The following PPP1R21 variants were observed in gnomAD, a reference collection of about 807,000 sequenced individuals.
PPP1R21 encodes the protein protein phosphatase 1 regulatory subunit 21.
In PPP1R21, 85 loss-of-function variants were observed where a neutral mutation model predicts 112.8. That is an observed-to-expected ratio of 0.75 (90% CI 0.63 to 0.90). The LOEUF (loss-of-function observed/expected upper bound fraction) is 0.90. Among genes scored for constraint, PPP1R21 ranks in the 40% least tolerant of loss-of-function variants. The pLI is 0.00. For synonymous variants in PPP1R21, 381 were observed against 322.3 expected, an observed-to-expected ratio of 1.18 and a Z score of -1.95; for missense variants, 1,199 against 901.5, an observed-to-expected ratio of 1.33 and a Z score of -4.23.
chr2:48,456,679 A>G (rs1253811636), intron 3 of PPP1R21, among the ~76,000 whole-genome samples: 2 of 152,140 alleles, frequency 1.3e-5, no homozygotes, highest in South Asian at 2.1e-4. Context: ...CATTCCCGAG[A>G]GTGTTAGTGT....
At chr2:48,487,157 C>G (rs1022942137) in intron 14 of PPP1R21, among the ~76,000 whole-genome samples, 63 of 152,072 alleles carry the variant, frequency 4.1e-4, no homozygotes, top group Non-Finnish European at 7.6e-4. Context: ...TCTAGGTAGT[C>G]TCAATATAGA....
chr2:48,505,578 C>A lies in PPP1R21; in HGVS notation c.1950C>A (p.Thr650=). 1 of 1,550,374 alleles carries A rather than the reference C, an allele frequency of 6.5e-7. No homozygotes were observed. Among genetic ancestry groups the A allele is most frequent in the Non-Finnish European group, 8.7e-7 (1 of 1,145,334 alleles). ...IQSTSLIGTL[T]RTSDSEVPDV... ...TTATGTTCTAGATTGGGACTTTAAC[C>A]AGGACATCTGACAGTGAGGTAACAT... Residue 650 remains threonine (T), a synonymous_variant, in exon 18 of 22, where the codon ACC becomes ACA. Coordinates refer to ENST00000294952, the MANE Select transcript of PPP1R21 (RefSeq NM_001135629.3).
chr2:48,464,486 G>C (rs950445665), intron 7 of PPP1R21, among the ~76,000 whole-genome samples: 18 of 152,180 alleles, frequency 1.2e-4, no homozygotes, highest in African/African-American at 4.1e-4. Flanking sequence ...GGAAAGTTAG[G>C]ATTGAGTCAT....
At position 48,459,772 on chromosome 2, in the gene PPP1R21, C is replaced by T. The variant is rs1361976525; in HGVS notation, c.394C>T (p.Gln132Ter). Reference protein sequence around the residue: ...LHIQFFEADEQHKHVEAELRS... With the variant: ...LHIQFFEADE Reference sequence around the variant, plus strand: ...TTTTTAGTTTTTTGAAGCTGATGAGCAGCACAAGCATGTGGAAGCAGAGCT... The same window carrying T: ...TTTTTAGTTTTTTGAAGCTGATGAGTAGCACAAGCATGTGGAAGCAGAGCT... Residue 132 changes from glutamine to a stop codon, truncating the protein, a stop_gained, in exon 5 of 22, where the codon CAG (glutamine) becomes TAG (stop). Transcript: ENST00000294952. LOFTEE classifies it high-confidence loss of function. 1 of 1,612,762 alleles carries T rather than the reference C, an allele frequency of 6.2e-7. No homozygotes were observed. Among genetic ancestry groups the T allele is most frequent in the Non-Finnish European group, 8.5e-7 (1 of 1,179,608 alleles).
At chr2:48,514,073 C>CTTTTTTTTTTTTTT (rs1225415838) in intron 21 of PPP1R21, among the ~76,000 whole-genome samples, 1 of 89,902 alleles carries the variant, frequency 1.1e-5, no homozygotes, top group Non-Finnish European at 2.2e-5. Flanking sequence ...GAGACATGTT[C>CTTTTTTTTTTTTTT]TTTTTTTTTT....
At chr2:48,472,715 G>A (rs902764380) in intron 11 of PPP1R21, among the ~76,000 whole-genome samples, 8 of 152,008 alleles carry the variant, frequency 5.3e-5, no homozygotes, top group Non-Finnish European at 1.2e-4. Context: ...TTGTGAGGTC[G>A]AGGCGGGAAG....
intron 14 of PPP1R21, among the ~76,000 whole-genome samples, chr2:48,488,041 A>G (rs1669389771): frequency 6.6e-6 from 1 of 152,198 alleles, no homozygotes; most frequent in Non-Finnish European, 1.5e-5. Flanking sequence ...ATAGGAACAA[A>G]TATTCTTCAA....
chr2:48,485,933 GTATATA>G, intron 13 of PPP1R21, among the ~76,000 whole-genome samples: 1 of 53,188 alleles, frequency 1.9e-5, no homozygotes, highest in South Asian at 5.8e-4. Flanking sequence ...ATATACAATT[GTATATA>G]CTATATATAA....
At chr2:48,491,484 G>GA (rs916904319) in intron 15 of PPP1R21, among the ~76,000 whole-genome samples, 4 of 149,578 alleles carry the variant, frequency 2.7e-5, no homozygotes, top group Admixed American at 1.3e-4. Flanking sequence ...TGTAGAAACA[G>GA]AAAAAAAAGA....
chr2:48,479,648 G>T, intron 12 of PPP1R21: 1 of 601,300 alleles, frequency 1.7e-6, no homozygotes, highest in Non-Finnish European at 3.1e-6. Flanking sequence ...AAAGACTTTC[G>T]TTTTACAAAG....
At chr2:48,470,172 C>G (rs1390553557) in intron 9 of PPP1R21, among the ~76,000 whole-genome samples, 1 of 152,086 alleles carries the variant, frequency 6.6e-6, no homozygotes, top group African/African-American at 2.4e-5. Flanking sequence ...TGAAGCTATT[C>G]TTCATACTGA....
intron 12 of PPP1R21, chr2:48,479,691 G>T: frequency 1.6e-6 from 1 of 614,360 alleles, no homozygotes; most frequent in Non-Finnish European, 3.0e-6. Context: ...CTTAACAACT[G>T]AATTTTGTTT....
At position 48,460,102 on chromosome 2, in the gene PPP1R21, C is replaced by G. The variant is rs371203381; in HGVS notation, c.548C>G (p.Ser183Cys). ...TTTTCTTCTGAAATTCAGGTGAAAT[C>G]TCAGACTCTAGAAAAGGAAGCCAAG... ...QNDKAKLEVK[S>C]QTLEKEAKEC... Residue 183 changes from serine (S) to cysteine (C), a missense_variant, in exon 6 of 22, where the codon TCT becomes TGT. Coordinates refer to ENST00000294952, the MANE Select transcript of PPP1R21 (RefSeq NM_001135629.3). 7 of 1,613,974 alleles carry G rather than the reference C, an allele frequency of 4.3e-6. No individual in the cohort carries two copies. The highest frequency in any genetic ancestry group is 2.2e-5 in the South Asian group (2 of 91,076).
chr2:48,463,523 C>T (rs569449147), intron 7 of PPP1R21, among the ~76,000 whole-genome samples: 183 of 152,106 alleles, frequency 1.2e-3, no homozygotes, highest in Non-Finnish European at 1.4e-3. Flanking sequence ...CAGAGCAGTG[C>T]TGTTTTTTGA....
At chr2:48,461,048 G>A (rs1480382475) in intron 6 of PPP1R21, 90 bp from the exon 7 acceptor site, 7 of 1,488,006 alleles carry the variant, frequency 4.7e-6, no homozygotes, top group Non-Finnish European at 6.2e-6. Context: ...TTCTCTGGAA[G>A]CCTACTACCA....
intron 15 of PPP1R21, among the ~76,000 whole-genome samples, chr2:48,493,262 A>C (rs984260442): frequency 2.6e-5 from 4 of 152,002 alleles, no homozygotes; most frequent in Admixed American, 1.3e-4. Flanking sequence ...GCCTCGGCCT[A>C]CCAAAGTGCT....
intron 11 of PPP1R21, among the ~76,000 whole-genome samples, chr2:48,473,925 T>C (rs1313355157): frequency 6.6e-6 from 1 of 152,220 alleles, no homozygotes; most frequent in African/African-American, 2.4e-5. Flanking sequence ...ATTGTAAATC[T>C]GTTTGGCTTT....
At chr2:48,485,430 A>G (rs961000338) in intron 13 of PPP1R21, among the ~76,000 whole-genome samples, 5 of 152,130 alleles carry the variant, frequency 3.3e-5, no homozygotes, top group African/African-American at 1.2e-4. Context: ...GTAATTTGCC[A>G]ATTGGTTGGT....
intron 17 of PPP1R21, among the ~76,000 whole-genome samples, chr2:48,504,565 C>T (rs1446572799): frequency 3.3e-5 from 5 of 152,102 alleles, no homozygotes; most frequent in East Asian, 1.9e-4. Context: ...TGCTTGAACC[C>T]GGGAGGTGGA....
Sources: allele counts gnomAD v4.1 joint callset (sites outside exome capture counted in the v4.1 genomes callset), GRCh38; gene constraint gnomAD v4.1.1; transcripts MANE v1.5; gene names NCBI Gene and HGNC (gene_info 2026-07-23, HGNC 2026-07-21).